Variants in SHOC1 observed in about 807,000 individuals in gnomAD.
SHOC1 encodes protein shortage in chiasmata 1 ortholog.
In SHOC1, 136 loss-of-function variants were observed where a neutral mutation model predicts 179.2. The observed-to-expected ratio is 0.76, with a 90% confidence interval of 0.66 to 0.87. The LOEUF (loss-of-function observed/expected upper bound fraction) is 0.87, where lower values mean the gene tolerates loss of function less well. Among genes scored for constraint, SHOC1 ranks in the 40% least tolerant of loss-of-function variants. The pLI, the probability that SHOC1 is intolerant of heterozygous loss-of-function variation, is 0.00. For synonymous variants in SHOC1, 489 were observed against 586.6 expected (o/e 0.83, Z 2.41); for missense variants, 1,538 against 1,700.8 (o/e 0.90, Z 1.68).
chr9:111,695,799 T>C (rs540528925), intron 24 of SHOC1, among the ~76,000 whole-genome samples: 22 of 152,202 alleles, frequency 1.4e-4, no homozygotes, highest in Non-Finnish European at 2.9e-4. Context: ...AGAATTACTA[T>C]ATTTTGTAAT....
At position 111,727,918 on chromosome 9, in the gene SHOC1, C is replaced by A; in HGVS notation, c.1549G>T (p.Asp517Tyr). 1.2e-6 allele frequency: 2 copies of A among 1,613,362 alleles called. No individual in the cohort carries two copies. Among genetic ancestry groups the A allele is most frequent in the South Asian group, 1.1e-5 (1 of 90,966 alleles). The change falls in exon 13 of 28, where the codon GAC becomes TAC. Residue 517 changes from aspartate to tyrosine, a missense_variant. By Grantham distance (160) the Asp-to-Tyr change is radical. Coordinates refer to ENST00000682961, the MANE Select transcript of SHOC1 (RefSeq NM_001378211.1). ...GCTGCTCCTTTATCAGAGAAATAGTCATCAGAAAAACATAGATCTGGTACT... is the reference window on the plus strand; with the variant it reads ...GCTGCTCCTTTATCAGAGAAATAGTAATCAGAAAAACATAGATCTGGTACT... Reference protein sequence around the residue: ...KEVPDLCFSDDYFSDKGAAKE... With the variant: ...KEVPDLCFSDYYFSDKGAAKE...
In SHOC1 at chr9:111,686,715, T is replaced by G. The variant is rs1831176649; in HGVS notation, c.*55A>C. On this transcript the variant is annotated 3_prime_UTR_variant, in exon 28 of 28. Transcript: ENST00000682961. ...GAGCAAATCTAAATAATTGCGCTAG[T>G]GGATTAGCATCAAAAACAGTGGAAT... is the stretch of plus-strand genomic sequence containing the variant. 1 of 1,104,752 alleles carries G rather than the reference T, an allele frequency of 9.1e-7. No homozygotes were observed. Among genetic ancestry groups the G allele is most frequent in the Admixed American group, 1.8e-5 (1 of 55,842 alleles). The allele number at this position is 1,104,752 out of a possible 1,614,324, so 68.4% of individuals were successfully genotyped here.
chr9:111,688,044 C>G (rs1831259011), intron 27 of SHOC1, among the ~76,000 whole-genome samples: 1 of 152,052 alleles, frequency 6.6e-6, no homozygotes, highest in Non-Finnish European at 1.5e-5. Context: ...ACGACAGGAC[C>G]TTGGTTCTTC....
chr9:111,715,723 C>CTATATAGTTTTATATAG (rs1832754841), intron 16 of SHOC1, among the ~76,000 whole-genome samples: 1 of 152,090 alleles, frequency 6.6e-6, no homozygotes, highest in South Asian at 2.1e-4. Context: ...CTAGAATAGT[C>CTATATAGTTTTATATAG]TTTTATACTA....
At chr9:111,721,671 C>T (rs1208328910) in intron 15 of SHOC1, among the ~76,000 whole-genome samples, 1 of 152,200 alleles carries the variant, frequency 6.6e-6, no homozygotes, top group Non-Finnish European at 1.5e-5. Flanking sequence ...CAATCATCTG[C>T]TGAATACTCG....
rs201118408 is a variant in SHOC1 at position 111,788,718 on chromosome 9, TG to T, written c.45+2655del. On this transcript the variant is annotated intron_variant, in intron 2 of 27. Transcript: ENST00000682961. ...TGGATGCTTAACTTTCATTTATCTT[TG>T]CATTATTTCCTTTGTTACAACCAGC... 7.8e-3 allele frequency among the ~76,000 whole-genome samples: 1,192 copies of T among 152,354 alleles called. 15 individuals carry two copies. The highest frequency in any genetic ancestry group is 0.025 in the African/African-American group (1,047 of 41,584).
At chr9:111,746,439 C>A in intron 9 of SHOC1, 97 bp from the exon 10 acceptor site, 3 of 688,324 alleles carry the variant, frequency 4.4e-6, no homozygotes, top group South Asian at 3.5e-5. Flanking sequence ...CTTTGGGAGG[C>A]TGAGGTAGGA....
rs1471986635 is a variant in SHOC1, at chr9:111,748,121, T to G, written c.941A>C (p.Gln314Pro). 1 of 1,613,776 alleles carries G rather than the reference T, an allele frequency of 6.2e-7. No individual in the cohort carries two copies. Among genetic ancestry groups the G allele is most frequent in the Non-Finnish European group, 8.5e-7 (1 of 1,179,778 alleles). The change falls in exon 9 of 28, where the codon CAG becomes CCG. Residue 314 changes from glutamine (Q) to proline (P), a missense_variant. By Grantham distance (76) the Gln-to-Pro change is moderately conservative (BLOSUM62 -1). Coordinates refer to ENST00000682961, the MANE Select transcript of SHOC1 (RefSeq NM_001378211.1). ...SSTEILTIQS[Q>P]SEPEECSKPG... ...TTTACTGCACTCTTCTGGTTCACTC[T>G]GGCTTTGAATGGTCAAAATCTCTGT...
rs377241778 is a variant in SHOC1, at chr9:111,746,175, T to C, written c.1079+59A>G. On this transcript the variant is annotated intron_variant, in intron 10 of 27. Coordinates refer to ENST00000682961, the MANE Select transcript of SHOC1 (RefSeq NM_001378211.1). ...GAAATTGCTTTTATATGGAGAGATT[T>C]AAATAAAGACTGCTTGTTCTGAATT... The C allele has an allele frequency of 9.0e-4, 1,058 of 1,179,200 alleles. 7 individuals carry two copies. The African/African-American group carries it at 0.015, about 16-fold the overall frequency. 73.0% of individuals were successfully genotyped at this position (1,179,200 alleles called of 1,614,324 possible). A position where few individuals can be genotyped will look rare whatever the true frequency, so the allele number is the denominator to read the frequency against.
chr9:111,726,791 A>T (rs1337582), intron 13 of SHOC1, among the ~76,000 whole-genome samples: 121,694 of 152,078 alleles, frequency 0.8, 48,861 homozygotes, highest in East Asian at 0.92. Context: ...ACAGATCAAA[A>T]ATGACAATAG....
rs150006859 is a variant in SHOC1, at chr9:111,692,012, C to G, written c.3965G>C (p.Arg1322Pro). 1.1e-5 allele frequency: 18 copies of G among 1,612,996 alleles called. No individual in the cohort carries two copies. Among genetic ancestry groups the G allele is most frequent in the Middle Eastern group, 1.7e-4 (1 of 6,046 alleles). ...DTQKRVSVVPRFINSQKRRTH... is the reference protein window; with the variant it reads ...DTQKRVSVVPPFINSQKRRTH... ...TCTCCTTTTCTGAGAATTTATAAAA[C>G]GGGGGACAACTGACACTCTCTTCTG... The change falls in exon 27 of 28, where the codon CGT becomes CCT. Residue 1322 changes from arginine (R) to proline (P), a missense_variant. Coordinates refer to ENST00000682961, the MANE Select transcript of SHOC1 (RefSeq NM_001378211.1).
chr9:111,760,949 ATTAT>A (rs966384607), intron 5 of SHOC1, among the ~76,000 whole-genome samples: 2 of 151,450 alleles, frequency 1.3e-5, no homozygotes, highest in Non-Finnish European at 2.9e-5. Flanking sequence ...AAAATAGGAG[ATTAT>A]TTATATATTA....
intron 21 of SHOC1, among the ~76,000 whole-genome samples, chr9:111,704,667 A>C (rs544664550): frequency 1.3e-5 from 2 of 152,202 alleles, no homozygotes; most frequent in Non-Finnish European, 2.9e-5. Flanking sequence ...TCCTTCCTTG[A>C]CATGGAGCCC....
At position 111,759,465 on chromosome 9, in the gene SHOC1, G is replaced by A. The variant is rs1589450873; in HGVS notation, c.443-617C>T. The A allele has an allele frequency of 3.2e-6, 4 of 1,263,442 alleles. No homozygotes were observed. In the East Asian group the frequency reaches 1.2e-4, roughly 37 times the overall value. The allele number at this position is 1,263,442 out of a possible 1,614,324, so 78.3% of individuals were successfully genotyped here. ...CACTACTGCTAACAGTTAATTTCTG[G>A]AATAAATTTCTCCTCTCGGTCTCCA... On this transcript the variant is annotated intron_variant, in intron 5 of 27. Transcript: ENST00000682961.
At chr9:111,731,869 G>A (rs1009647392) in intron 12 of SHOC1, among the ~76,000 whole-genome samples, 2 of 152,066 alleles carry the variant, frequency 1.3e-5, no homozygotes, top group African/African-American at 4.8e-5. Flanking sequence ...AGTTGGAAAT[G>A]CTGTTGGGAA....
intron 12 of SHOC1, among the ~76,000 whole-genome samples, chr9:111,734,525 C>T (rs1833733111): frequency 6.6e-6 from 1 of 152,136 alleles, no homozygotes; most frequent in African/African-American, 2.4e-5. Flanking sequence ...AACCAAATAT[C>T]TTTGTCTTCT....
At chr9:111,756,053 C>T (rs10121843) in intron 8 of SHOC1, among the ~76,000 whole-genome samples, 8,370 of 151,900 alleles carry the variant, frequency 0.055, 557 homozygotes, top group African/African-American at 0.16. Context: ...ACCTGGGAGG[C>T]GGAGGTTGTG....
Position 111,692,265 on chromosome 9 carries a change from C to A in SHOC1, c.3712G>T (p.Glu1238Ter), listed in dbSNP as rs753159581. The change falls in exon 27 of 28, where the codon GAA (glutamate) becomes TAA (stop). Residue 1238 changes from glutamate to a stop codon, truncating the protein, a stop_gained. Coordinates refer to ENST00000682961, the MANE Select transcript of SHOC1 (RefSeq NM_001378211.1). LOFTEE classifies it high-confidence loss of function. ...NDNSSIMELK[E>*]ISSFLPPVTS... ...ACAGGTGGTAAAAAACTTGAGATTTCTTTTAGTTCCATAATGGAAGAGTTG... is the reference window on the plus strand; with the variant it reads ...ACAGGTGGTAAAAAACTTGAGATTTATTTTAGTTCCATAATGGAAGAGTTG... 1.9e-6 allele frequency: 3 copies of A among 1,613,528 alleles called. No homozygotes were observed. The South Asian group carries it at 3.3e-5, about 18-fold the overall frequency.
At chr9:111,772,737 A>G (rs1564162869) in intron 5 of SHOC1, among the ~76,000 whole-genome samples, 2 of 152,202 alleles carry the variant, frequency 1.3e-5, no homozygotes, top group African/African-American at 4.8e-5. Flanking sequence ...GTTCGTGCCC[A>G]AGGGACCTGT....
Sources: gnomAD v4.1 joint callset for allele counts (sites outside exome capture counted in the v4.1 genomes callset) on GRCh38, gnomAD v4.1.1 for gene constraint, MANE v1.5 for transcripts, NCBI Gene and HGNC (gene_info 2026-07-23, HGNC 2026-07-21) for gene names.